The following ACYP2 variants were observed in gnomAD, a reference collection of about 807,000 sequenced individuals.
The protein encoded by ACYP2 is acylphosphatase 2.
A neutral mutation model predicts 11.2 loss-of-function variants in ACYP2; 12 were observed. The ratio of observed to expected loss-of-function variants is 1.08; its 90% CI spans 0.69 to 1.74. The LOEUF is 1.74. Ranked by LOEUF, ACYP2 falls within the 40% of genes most tolerant of loss-of-function variation. The pLI, the probability that ACYP2 is intolerant of heterozygous loss-of-function variation, is 0.00. For synonymous variants in ACYP2, 43 were observed against 32.2 expected (o/e 1.33, Z -1.13); for missense variants, 134 against 101.9 (o/e 1.31, Z -1.35).
rs542806187 is a variant in ACYP2 at position 54,194,869 on chromosome 2, T to A, written c.404+56121T>A. 3.3e-5 allele frequency among the ~76,000 whole-genome samples: 5 copies of A among 152,330 alleles called. No homozygotes were observed. In the East Asian group the frequency reaches 9.6e-4, roughly 29 times the overall value. Reference sequence around the variant, plus strand: ...TAGTAGGCTGTCACTTGACTGTATATTACTAGAAGTGTATATATTCAGAGT... The same window carrying A: ...TAGTAGGCTGTCACTTGACTGTATAATACTAGAAGTGTATATATTCAGAGT... On this transcript the variant is annotated intron_variant, in intron 6 of 6. Coordinates refer to ENST00000607452, the MANE Select transcript of ACYP2 (RefSeq NM_001320586.2).
intron 2 of ACYP2, among the ~76,000 whole-genome samples, chr2:54,003,062 C>T (rs908270045): frequency 2.0e-5 from 3 of 152,078 alleles, no homozygotes; most frequent in Admixed American, 6.5e-5. Context: ...AATACTTGTG[C>T]CTCAGCCTCC....
chr2:54,293,205 G>A (rs759185459), intron 6 of ACYP2, among the ~76,000 whole-genome samples: 17 of 152,272 alleles, frequency 1.1e-4, no homozygotes, highest in Admixed American at 2.0e-4. Flanking sequence ...TAAGCATACT[G>A]ACTCTAAAGT....
chr2:54,285,242 T>A (rs144962689), intron 6 of ACYP2, among the ~76,000 whole-genome samples: 1 of 152,300 alleles, frequency 6.6e-6, no homozygotes, highest in African/African-American at 2.4e-5. Context: ...GAATTAGGTT[T>A]CAACATACAA....
intron 4 of ACYP2, among the ~76,000 whole-genome samples, chr2:54,076,630 AT>A (rs1677357760): frequency 6.6e-6 from 1 of 152,214 alleles, no homozygotes; most frequent in South Asian, 2.1e-4. Context: ...GATGAATTTA[AT>A]TTTTCAGAAC....
At chr2:54,245,268 G>A (rs564037200) in intron 6 of ACYP2, among the ~76,000 whole-genome samples, 34 of 152,084 alleles carry the variant, frequency 2.2e-4, no homozygotes, top group Non-Finnish European at 4.6e-4. Context: ...ACATTTCCTT[G>A]ATTCATTTAT....
At chr2:54,028,113 G>T (rs978772121) in intron 2 of ACYP2, among the ~76,000 whole-genome samples, 1 of 152,036 alleles carries the variant, frequency 6.6e-6, no homozygotes, top group African/African-American at 2.4e-5. Context: ...AAAGTGCTGG[G>T]ATTATAAGCA....
intron 6 of ACYP2, among the ~76,000 whole-genome samples, chr2:54,283,403 C>G (rs1463372140): frequency 6.6e-6 from 1 of 152,178 alleles, no homozygotes; most frequent in Non-Finnish European, 1.5e-5. Flanking sequence ...TATGAGCTAG[C>G]TTTCATTGCA....
At chr2:54,143,959 C>T (rs1681760925) in intron 6 of ACYP2, among the ~76,000 whole-genome samples, 2 of 151,986 alleles carry the variant, frequency 1.3e-5, no homozygotes, top group Admixed American at 6.6e-5. Flanking sequence ...TTTCAATCTA[C>T]CCTGTGGTAA....
chr2:54,264,696 A>T lies in ACYP2; in HGVS notation c.405-39992A>T, dbSNP rs115876297. 5.0e-3 allele frequency among the ~76,000 whole-genome samples: 756 copies of T among 152,348 alleles called. 10 individuals carry two copies. Among genetic ancestry groups the T allele is most frequent in the African/African-American group, 0.017 (725 of 41,572 alleles). ...TAGAAATCTTAATGCCCTTTCAAAA[A>T]TATAAGTATAAATTTAGGTGGTGAG... On this transcript the variant is annotated intron_variant, in intron 6 of 6. Coordinates refer to ENST00000607452, the MANE Select transcript of ACYP2 (RefSeq NM_001320586.2).
chr2:54,287,543 T>C (rs1002663895), intron 6 of ACYP2, among the ~76,000 whole-genome samples: 8 of 151,998 alleles, frequency 5.3e-5, no homozygotes, highest in Non-Finnish European at 1.2e-4. Context: ...CTTCCAAGAC[T>C]AGGTTAGAGC....
At chr2:54,035,672 CA>C (rs1208745206) in intron 2 of ACYP2, among the ~76,000 whole-genome samples, 1 of 152,162 alleles carries the variant, frequency 6.6e-6, no homozygotes, top group African/African-American at 2.4e-5. Context: ...TGACAAATTT[CA>C]GACAATTCTA....
At chr2:54,008,911 C>T (rs1395710256) in intron 2 of ACYP2, among the ~76,000 whole-genome samples, 1 of 151,862 alleles carries the variant, frequency 6.6e-6, no homozygotes, top group East Asian at 1.9e-4. Flanking sequence ...CCAGCACTTT[C>T]CGAGGCTGAG....
chr2:54,167,662 A>T (rs1174667899), intron 6 of ACYP2, among the ~76,000 whole-genome samples: 2 of 152,210 alleles, frequency 1.3e-5, no homozygotes, highest in Admixed American at 1.3e-4. Flanking sequence ...GTTATGTGTG[A>T]TATCATCATG....
At chr2:54,145,972 G>A (rs1248425662) in intron 6 of ACYP2, among the ~76,000 whole-genome samples, 3 of 152,152 alleles carry the variant, frequency 2.0e-5, no homozygotes, top group Non-Finnish European at 4.4e-5. Context: ...AGGCTCCTGT[G>A]TCCTTAATCA....
intron 6 of ACYP2, among the ~76,000 whole-genome samples, chr2:54,149,021 T>A (rs1194633409): frequency 6.6e-6 from 1 of 151,996 alleles, no homozygotes. Flanking sequence ...AGGGGTGAGG[T>A]GGGTGGATTG....
chr2:54,176,350 T>G (rs1197226328), intron 6 of ACYP2, among the ~76,000 whole-genome samples: 5 of 152,208 alleles, frequency 3.3e-5, no homozygotes, highest in African/African-American at 4.8e-5. Flanking sequence ...AGCAGCCATC[T>G]TGAACTGTGA....
chr2:54,170,555 T>G (rs141013145), intron 6 of ACYP2, among the ~76,000 whole-genome samples: 23 of 138,534 alleles, frequency 1.7e-4, no homozygotes, highest in African/African-American at 6.4e-4. Context: ...CAGAAATTTT[T>G]CTTAAAACAG....
At chr2:54,281,692 C>T (rs1688856368) in intron 6 of ACYP2, among the ~76,000 whole-genome samples, 3 of 152,156 alleles carry the variant, frequency 2.0e-5, no homozygotes, top group African/African-American at 7.2e-5. Context: ...TCTTGTGAAT[C>T]AGAGTGTTAC....
intron 6 of ACYP2, among the ~76,000 whole-genome samples, chr2:54,186,492 A>T (rs1251826231): frequency 6.6e-6 from 1 of 152,148 alleles, no homozygotes; most frequent in African/African-American, 2.4e-5. Flanking sequence ...TTTATATATA[A>T]ATAGCATTTT....
Sources: allele counts gnomAD v4.1 joint callset (sites outside exome capture counted in the v4.1 genomes callset), GRCh38; gene constraint gnomAD v4.1.1; transcripts MANE v1.5; gene names NCBI Gene and HGNC (gene_info 2026-07-23, HGNC 2026-07-21).